The following PIWIL2 variants were observed in gnomAD, a reference collection of about 807,000 sequenced individuals.
PIWIL2 encodes piwi-like protein 2.
Under a neutral mutation model 116.5 loss-of-function variants are expected in PIWIL2, and 81 were observed. That is an observed-to-expected ratio of 0.70 (90% CI 0.58 to 0.84). The LOEUF (loss-of-function observed/expected upper bound fraction) is 0.84, where lower values mean the gene tolerates loss of function less well. Ranked by LOEUF, PIWIL2 falls within the 40% of genes least tolerant of loss-of-function variation. PIWIL2 has a pLI of 0.00. For synonymous variants in PIWIL2, 489 were observed against 429.5 expected (o/e 1.14, Z -1.71); for missense variants, 1,272 against 1,212.3 (o/e 1.05, Z -0.73).
chr8:22,313,168 C>T (rs1831373553), intron 16 of PIWIL2, among the ~76,000 whole-genome samples: 1 of 152,160 alleles, frequency 6.6e-6, no homozygotes, highest in African/African-American at 2.4e-5. Context: ...ACCAACTTAT[C>T]TCATAGCGGC....
At chr8:22,318,874 G>T (rs1418923120) in intron 20 of PIWIL2, among the ~76,000 whole-genome samples, 1 of 152,204 alleles carries the variant, frequency 6.6e-6, no homozygotes, top group Non-Finnish European at 1.5e-5. Context: ...CCTTATCGGG[G>T]AAGTTGGGGA....
chr8:22,326,959 C>A (rs1191250595), intron 20 of PIWIL2, among the ~76,000 whole-genome samples: 1 of 151,936 alleles, frequency 6.6e-6, no homozygotes, highest in African/African-American at 2.4e-5. Flanking sequence ...ACATTCCTAC[C>A]AGTAATGCAG....
At chr8:22,304,233 G>A (rs780106173) in intron 11 of PIWIL2, 24 bp downstream of exon 11, 4 of 1,568,724 alleles carry the variant, frequency 2.5e-6, no homozygotes, top group Non-Finnish European at 2.6e-6. Context: ...ACTGGGTTTG[G>A]GCCTCAGGGT....
In PIWIL2 at chr8:22,313,110, A is replaced by G. The variant is rs574965713; in HGVS notation, c.1990-1218A>G. ...TGTGTTCCCTTTTTGAGAGGGTACA[A>G]CTGACAGTTTTCATGTGGCATGGAT... On this transcript the variant is annotated intron_variant, in intron 16 of 22. Coordinates refer to ENST00000356766, the MANE Select transcript of PIWIL2 (RefSeq NM_018068.5). Among the ~76,000 whole-genome samples, 86 of 152,228 alleles carry G rather than the reference A, an allele frequency of 5.6e-4. 1 individual carries two copies. Among genetic ancestry groups the G allele is most frequent in the Non-Finnish European group, 1.1e-3 (77 of 68,044 alleles).
chr8:22,290,766 A>G (rs766456060), intron 10 of PIWIL2, among the ~76,000 whole-genome samples: 1 of 151,658 alleles, frequency 6.6e-6, no homozygotes, highest in African/African-American at 2.4e-5. Flanking sequence ...TTAGATTTTT[A>G]GTTGTAGAAT....
At chr8:22,323,233 C>T (rs1204863228) in intron 20 of PIWIL2, among the ~76,000 whole-genome samples, 2 of 148,476 alleles carry the variant, frequency 1.3e-5, no homozygotes, top group Admixed American at 6.9e-5. Context: ...CTGCAACCTC[C>T]GCCTCCCGGG....
At chr8:22,282,303 G>A (rs190397481) in intron 4 of PIWIL2, among the ~76,000 whole-genome samples, 144 of 128,154 alleles carry the variant, frequency 1.1e-3, no homozygotes, top group Middle Eastern at 4.6e-3. Context: ...CCAGGCTGGA[G>A]TGCAGTGGCA....
chr8:22,279,458 G>T lies in PIWIL2; in HGVS notation c.72G>T (p.Met24Ile). ...IHPSQCQAVR[M>I]PGCWPQASKP... ...CATCCCAGTGCCAGGCTGTACGGAT[G>T]CCAGGCTGTTGGCCACAAGCTTCTA... Residue 24 changes from methionine to isoleucine, a missense_variant, in exon 2 of 23, where the codon ATG becomes ATT. Transcript: ENST00000356766. The T allele has an allele frequency of 6.2e-7, 1 of 1,614,138 alleles. No individual in the cohort carries two copies. Among genetic ancestry groups the T allele is most frequent in the South Asian group, 1.1e-5 (1 of 91,084 alleles).
Position 22,315,065 on chromosome 8 carries a change from C to G in PIWIL2, c.2128C>G (p.Leu710Val). Residue 710 changes from leucine (L) to valine (V), a missense_variant, in exon 18 of 23, where the codon CTT (leucine) becomes GTT (valine). Physicochemically the swap from Leu to Val is conservative, Grantham distance 32 (BLOSUM62 1). Coordinates refer to ENST00000356766, the MANE Select transcript of PIWIL2 (RefSeq NM_018068.5). ...TCGAACCATTGGTCAGCCCACCAGG[C>G]TTCGGAGTGTGGCCCAGAAGATTTT... ...NVRTIGQPTRLRSVAQKILLQ... is the reference protein window; with the variant it reads ...NVRTIGQPTRVRSVAQKILLQ... 6.2e-7 allele frequency: 1 copy of G among 1,613,764 alleles called. No individual in the cohort carries two copies. Among genetic ancestry groups the G allele is most frequent in the African/African-American group, 1.3e-5 (1 of 75,034 alleles).
At chr8:22,314,763 T>G (rs1831415104) in intron 17 of PIWIL2, among the ~76,000 whole-genome samples, 1 of 152,206 alleles carries the variant, frequency 6.6e-6, no homozygotes, top group Non-Finnish European at 1.5e-5. Context: ...CATTCCACTC[T>G]GCGTGAGATC....
intron 20 of PIWIL2, among the ~76,000 whole-genome samples, chr8:22,344,083 G>A (rs1832171235): frequency 6.6e-6 from 1 of 152,172 alleles, no homozygotes; most frequent in Non-Finnish European, 1.5e-5. Context: ...AAGACATGGA[G>A]GAATCTTAAA....
intron 10 of PIWIL2, among the ~76,000 whole-genome samples, chr8:22,294,936 G>T (rs1054997028): frequency 8.6e-5 from 12 of 139,874 alleles, no homozygotes; most frequent in Non-Finnish European, 1.5e-5. Context: ...AAAATTAACT[G>T]GGCGTGGTGG....
Position 22,311,166 on chromosome 8 carries a change from C to T in PIWIL2, c.1855C>T (p.Arg619Ter), listed in dbSNP as rs1236471862. Residue 619 changes from arginine to a stop codon, truncating the protein, a stop_gained, in exon 16 of 23, where the codon CGA becomes TGA. Coordinates refer to ENST00000356766, the MANE Select transcript of PIWIL2 (RefSeq NM_018068.5). LOFTEE classifies it high-confidence loss of function. ...FYPKRAMDQA[R>*]ELVNMLEKIA... Reference sequence around the variant, plus strand: ...CCCAAAGAGAGCAATGGACCAGGCTCGAGAACTGGTCAACATGTTGGAGAA... The same window carrying T: ...CCCAAAGAGAGCAATGGACCAGGCTTGAGAACTGGTCAACATGTTGGAGAA... The T allele has an allele frequency of 2.5e-6, 4 of 1,614,068 alleles. No homozygotes were observed. Among genetic ancestry groups the T allele is most frequent in the Non-Finnish European group, 2.5e-6 (3 of 1,179,994 alleles).
At chr8:22,344,388 A>G (rs1832178811) in intron 20 of PIWIL2, among the ~76,000 whole-genome samples, 1 of 152,242 alleles carries the variant, frequency 6.6e-6, no homozygotes, top group Non-Finnish European at 1.5e-5. Flanking sequence ...CCATAATGCA[A>G]TATGATAACA....
At chr8:22,288,941 A>G (rs1586540904) in intron 8 of PIWIL2, among the ~76,000 whole-genome samples, 1 of 152,148 alleles carries the variant, frequency 6.6e-6, no homozygotes, top group South Asian at 2.1e-4. Flanking sequence ...GCGGCTGTTG[A>G]TAGTGCATAT....
intron 20 of PIWIL2, among the ~76,000 whole-genome samples, chr8:22,327,461 G>A (rs1242152902): frequency 8.8e-5 from 13 of 147,244 alleles, no homozygotes; most frequent in Admixed American, 6.9e-4. Context: ...TCCACCTCCC[G>A]GGTTGAAGCG....
Position 22,307,844 on chromosome 8 carries a change from A to G in PIWIL2, c.1546-89A>G, listed in dbSNP as rs537551167. The G allele has an allele frequency of 2.7e-4, 267 of 977,812 alleles. 2 individuals are homozygous for G. The South Asian group carries it at 4.4e-3, about 16-fold the overall frequency. The allele number at this position is 977,812 out of a possible 1,614,324, so 60.6% of individuals were successfully genotyped here. ...AAATTTCTGCTGATTTCAATGGGAA[A>G]GAGAAACATTTTAGACCTACTGGGG... is the stretch of plus-strand genomic sequence containing the variant. On this transcript the variant is annotated intron_variant, in intron 13 of 22. Coordinates refer to ENST00000356766, the MANE Select transcript of PIWIL2 (RefSeq NM_018068.5).
intron 10 of PIWIL2, among the ~76,000 whole-genome samples, chr8:22,296,020 CTTTTTTT>C (rs67357452): frequency 2.9e-5 from 3 of 102,836 alleles, no homozygotes; most frequent in Non-Finnish European, 4.1e-5. Flanking sequence ...CTCTTCCCTT[CTTTTTTT>C]TTTTTTTTTT....
In PIWIL2 at chr8:22,354,293, C is replaced by T; in HGVS notation, c.2680C>T (p.His894Tyr). The T allele has an allele frequency of 6.2e-7, 1 of 1,612,634 alleles. No individual in the cohort carries two copies. The highest frequency in any genetic ancestry group is 1.3e-5 in the African/African-American group (1 of 74,990). Residue 894 changes from histidine to tyrosine, a missense_variant, in exon 22 of 23, where the codon CAT becomes TAT. Transcript: ENST00000356766. ...CEWVDFYLLA[H>Y]HVRQGCGIPT... ...TAGGGTGGATTTCTATCTTCTTGCC[C>T]ATCATGTACGGCAGGGCTGTGGCAT...
Sources: gnomAD v4.1 joint callset for allele counts (sites outside exome capture counted in the v4.1 genomes callset) on GRCh38, gnomAD v4.1.1 for gene constraint, MANE v1.5 for transcripts, NCBI Gene and HGNC (gene_info 2026-07-23, HGNC 2026-07-21) for gene names.